Variants in TCTN2 observed in about 807,000 individuals in gnomAD.
TCTN2 encodes the protein tectonic-2.
A neutral mutation model predicts 83.4 loss-of-function variants in TCTN2; 66 were observed. The observed-to-expected ratio is 0.79, with a 90% CI of 0.65 to 0.97. TCTN2 has a LOEUF of 0.97. Among genes scored for constraint, TCTN2 ranks in the 50% least tolerant of loss-of-function variants. The pLI is 0.00. For missense variants in TCTN2, 794 were observed against 858.1 expected (o/e 0.93, Z 0.93); for synonymous variants, 301 against 326.7 (o/e 0.92, Z 0.85).
chr12:123,700,091 C>T (rs975382195), intron 14 of TCTN2: 187 of 503,866 alleles, frequency 3.7e-4, no homozygotes, highest in African/African-American at 1.6e-3. Flanking sequence ...AGCTCATTGC[C>T]TCCTCATCCT....
At position 123,671,271 on chromosome 12, in the gene TCTN2, T is replaced by A. The variant is rs747264426; in HGVS notation, c.31T>A (p.Leu11Met). 2 of 1,613,820 alleles carry A rather than the reference T, an allele frequency of 1.2e-6. No homozygotes were observed. The highest frequency in any genetic ancestry group is 1.7e-6 in the Non-Finnish European group (2 of 1,179,984). MGFQPPAALL[L>M]RLFLLQGILR... The stretch of plus-strand genomic sequence containing the variant: ...CTTCCAGCCTCCGGCCGCTCTTCTT[T>A]TGAGGCTTTTCCTTCTGCAGGGCAT... The change falls in exon 1 of 18, where the codon TTG becomes ATG. Residue 11 changes from leucine to methionine, a missense_variant. Physicochemically the swap from Leu to Met is conservative, Grantham distance 15. Transcript: ENST00000303372.
At position 123,704,540 on chromosome 12, in the gene TCTN2, G is replaced by A. The variant is rs1395372455; in HGVS notation, c.1621G>A (p.Ala541Thr). 1 of 1,609,452 alleles carries A rather than the reference G, an allele frequency of 6.2e-7. No individual in the cohort carries two copies. The highest frequency in any genetic ancestry group is 1.1e-5 in the South Asian group (1 of 90,586). The change falls in exon 15 of 18, where the codon GCC (alanine) becomes ACC (threonine). Residue 541 changes from alanine (A) to threonine (T), a missense_variant. Ala to Thr is a moderately conservative substitution (Grantham distance 58). Transcript: ENST00000303372. Reference sequence around the variant, plus strand: ...ACTTAACATTTCTATAGGTGTAGATGCCCCTGATCCAGGTGCAGACCCGCT... The same window carrying A: ...ACTTAACATTTCTATAGGTGTAGATACCCCTGATCCAGGTGCAGACCCGCT... ...DGWLEIIRVD[A>T]PDPGADPLAS...
In TCTN2 at chr12:123,704,593, G is replaced by A; in HGVS notation, c.1674G>A (p.Leu558=). The A allele has an allele frequency of 1.2e-6, 2 of 1,613,418 alleles. No individual in the cohort carries two copies. The highest frequency in any genetic ancestry group is 1.7e-6 in the Non-Finnish European group (2 of 1,179,954). Residue 558 remains leucine, a synonymous_variant, in exon 15 of 18, where the codon CTG becomes CTA. Transcript: ENST00000303372. ...CTAGCAGTGTGAACGGCATGTGCCTGGATATTCCTGCTCACCTGAGCATCC... is the reference window on the plus strand; with the variant it reads ...CTAGCAGTGTGAACGGCATGTGCCTAGATATTCCTGCTCACCTGAGCATCC... The part of the protein sequence containing the change: ...PLASSVNGMC[L]DIPAHLSIRI...
chr12:123,694,940 A>C lies in TCTN2; in HGVS notation c.1198A>C (p.Lys400Gln), dbSNP rs547377703. ...NNNTISEINV[K>Q]IFRAEINAHQ... ...TAATACCATCAGTGAAATAAATGTT[A>C]AAATTTTTAGGGCAGAGATTAATGC... The change falls in exon 10 of 18, where the codon AAA (lysine) becomes CAA (glutamine). Residue 400 changes from lysine (K) to glutamine (Q), a missense_variant. By Grantham distance (53) the Lys-to-Gln change is moderately conservative. Coordinates refer to ENST00000303372, the MANE Select transcript of TCTN2 (RefSeq NM_024809.5). 4 of 1,613,784 alleles carry C rather than the reference A, an allele frequency of 2.5e-6. No individual in the cohort carries two copies. The African/African-American group carries it at 4.0e-5, about 16-fold the overall frequency.
Position 123,694,970 on chromosome 12 carries a change from C to T in TCTN2, c.1228C>T (p.Gln410Ter), listed in dbSNP as rs1189889973. The T allele has an allele frequency of 6.2e-7, 1 of 1,613,256 alleles. No homozygotes were observed. The highest frequency in any genetic ancestry group is 1.7e-5 in the Admixed American group (1 of 59,994). The change falls in exon 10 of 18, where the codon CAG (glutamine) becomes TAG (stop). Residue 410 changes from glutamine to a stop codon, truncating the protein, a stop_gained. Transcript: ENST00000303372. LOFTEE classifies it high-confidence loss of function. ...TTTTAGGGCAGAGATTAATGCCCAC[C>T]AGAAAGGTAACTTTGATGAGGGTAG... is the stretch of plus-strand genomic sequence containing the variant. ...KIFRAEINAHQKGIMTQRFVV... is the reference protein window; with the variant it reads ...KIFRAEINAH
chr12:123,707,323 T>A, intron 17 of TCTN2: 1 of 611,266 alleles, frequency 1.6e-6, no homozygotes, highest in Non-Finnish European at 2.9e-6. Context: ...CTCAGCTCAC[T>A]GCAACCATTG....
intron 14 of TCTN2, among the ~76,000 whole-genome samples, chr12:123,704,034 G>A (rs7397930): frequency 0.37 from 51,654 of 140,838 alleles, 9,773 homozygotes; most frequent in African/African-American, 0.42. Context: ...TTGAGACAGA[G>A]TCTCCCTCTG....
chr12:123,705,450 C>T (rs550352596), intron 15 of TCTN2, among the ~76,000 whole-genome samples: 5 of 152,216 alleles, frequency 3.3e-5, no homozygotes, highest in East Asian at 1.9e-4. Flanking sequence ...CATGAGCCAC[C>T]GCGCCCAGCC....
intron 7 of TCTN2, among the ~76,000 whole-genome samples, chr12:123,690,277 A>C (rs1264956265): frequency 1.3e-5 from 2 of 152,230 alleles, no homozygotes; most frequent in Non-Finnish European, 2.9e-5. Context: ...ACTAAATAGA[A>C]CAGGACAAGG....
intron 14 of TCTN2, 36 bp from the exon 15 acceptor site, chr12:123,704,496 A>T (rs759295298): frequency 6.3e-7 from 1 of 1,575,564 alleles, no homozygotes; most frequent in Non-Finnish European, 8.6e-7. Context: ...TTATCAAATT[A>T]TTCTTTGAAA....
intron 5 of TCTN2, among the ~76,000 whole-genome samples, chr12:123,681,663 T>C (rs1315493421): frequency 1.3e-5 from 2 of 152,222 alleles, no homozygotes; most frequent in African/African-American, 2.4e-5. Flanking sequence ...ATTTGAGTTG[T>C]TTCTGTTTTT....
At chr12:123,692,801 G>A (rs1296017224) in intron 9 of TCTN2, 78 bp downstream of exon 9, 11 of 1,156,456 alleles carry the variant, frequency 9.5e-6, no homozygotes, top group Non-Finnish European at 1.4e-5. Flanking sequence ...TACCCTCAGA[G>A]TGTATATTTT....
At chr12:123,692,199 C>T (rs901063467) in intron 8 of TCTN2, among the ~76,000 whole-genome samples, 3 of 152,150 alleles carry the variant, frequency 2.0e-5, no homozygotes, top group Admixed American at 6.6e-5. Flanking sequence ...GCATGAGCCA[C>T]CACGCCCGGC....
intron 7 of TCTN2, among the ~76,000 whole-genome samples, chr12:123,689,307 T>C (rs1452318273): frequency 6.6e-6 from 1 of 151,442 alleles, no homozygotes; most frequent in Admixed American, 6.6e-5. Flanking sequence ...CTGCCCACTT[T>C]GGCCTCCCAA....
chr12:123,707,971 G>C lies in TCTN2; in HGVS notation c.*258G>C, dbSNP rs540710300. The C allele has an allele frequency of 8.7e-4, 376 of 433,224 alleles. No individual in the cohort carries two copies. Among genetic ancestry groups the C allele is most frequent in the Middle Eastern group, 2.9e-3 (4 of 1,370 alleles). The allele number at this position is 433,224 out of a possible 1,614,324, so 26.8% of individuals were successfully genotyped here. ...GATCCGCCCATCTTGGCCTCCCAAAGTGCTGAGATTACAGGCATGAGCCAC... is the reference window on the plus strand; with the variant it reads ...GATCCGCCCATCTTGGCCTCCCAAACTGCTGAGATTACAGGCATGAGCCAC... On this transcript the variant is annotated 3_prime_UTR_variant, in exon 18 of 18. Transcript: ENST00000303372.
At chr12:123,687,572 G>A (rs1032785895) in intron 6 of TCTN2, among the ~76,000 whole-genome samples, 2 of 152,164 alleles carry the variant, frequency 1.3e-5, no homozygotes, top group Non-Finnish European at 2.9e-5. Context: ...CAGGAGAATG[G>A]CCTGAACCCG....
At chr12:123,677,818 T>C (rs1955842944) in intron 4 of TCTN2, among the ~76,000 whole-genome samples, 1 of 152,100 alleles carries the variant, frequency 6.6e-6, no homozygotes, top group African/African-American at 2.4e-5. Context: ...AAAGTATAGA[T>C]GGGGTTTCTC....
At chr12:123,673,155 G>C (rs1438874013) in intron 3 of TCTN2, among the ~76,000 whole-genome samples, 1 of 152,144 alleles carries the variant, frequency 6.6e-6, no homozygotes, top group Admixed American at 6.6e-5. Context: ...AGTGTTTATT[G>C]GATACCTAGT....
intron 13 of TCTN2, 33 bp downstream of exon 13, chr12:123,697,231 G>GT: frequency 6.8e-7 from 1 of 1,467,838 alleles, no homozygotes; most frequent in African/African-American, 1.4e-5. Flanking sequence ...TATCGGCAAT[G>GT]TGAATGGTTT....
Sources: allele counts gnomAD v4.1 joint callset (sites outside exome capture counted in the v4.1 genomes callset), GRCh38; gene constraint gnomAD v4.1.1; transcripts MANE v1.5; gene names NCBI Gene and HGNC (gene_info 2026-07-23, HGNC 2026-07-21).